The following SETD3 variants were observed in gnomAD, a reference collection of about 807,000 sequenced individuals.
SETD3 encodes SET domain containing 3, actin N3(tau)-histidine methyltransferase.
Under a neutral mutation model 63.0 loss-of-function variants are expected in SETD3, and 19 were observed. The observed-to-expected ratio is 0.30, with a 90% CI of 0.21 to 0.44. The LOEUF is 0.44. Among genes scored for constraint, SETD3 ranks in the 20% least tolerant of loss-of-function variants. The pLI is 1.00. For missense variants in SETD3, 587 were observed against 728.5 expected (o/e 0.81, Z 2.24); for synonymous variants, 286 against 264.1 (o/e 1.08, Z -0.80).
Position 99,465,722 on chromosome 14 carries a change from C to A in SETD3, c.84G>T (p.Leu28=). ...ACTTACTCTGCAGCAGCTCACTGGT[C>A]AGGTTCAAGATTTCCTTTGGTGACA... is the stretch of plus-strand genomic sequence containing the variant. The part of the protein sequence containing the change: ...ATVSPKEILN[L]TSELLQKCSS... Residue 28 remains leucine, a synonymous_variant, in exon 2 of 13, where the codon CTG becomes CTT. Transcript: ENST00000331768. 1 of 1,613,918 alleles carries A rather than the reference C, an allele frequency of 6.2e-7. No individual in the cohort carries two copies. The highest frequency in any genetic ancestry group is 1.1e-5 in the South Asian group (1 of 91,006).
chr14:99,483,998 A>T (rs1205521440), upstream of SETD3, among the ~76,000 whole-genome samples: 1 of 152,254 alleles, frequency 6.6e-6, no homozygotes, highest in Non-Finnish European at 1.5e-5. Context: ...ATAGGCCAGA[A>T]CTGGCCAGAT....
intron 6 of SETD3, among the ~76,000 whole-genome samples, chr14:99,426,965 G>A (rs1399915710): frequency 6.6e-6 from 1 of 152,142 alleles, no homozygotes; most frequent in African/African-American, 2.4e-5. Flanking sequence ...CCCACATGCT[G>A]CAATCAGTAA....
At chr14:99,430,073 G>A (rs1893089663) in intron 6 of SETD3, among the ~76,000 whole-genome samples, 1 of 152,210 alleles carries the variant, frequency 6.6e-6, no homozygotes, top group Non-Finnish European at 1.5e-5. Flanking sequence ...AGAGAGGGAA[G>A]CCCAGGAAAC....
Position 99,407,804 on chromosome 14 carries a change from C to A in SETD3, c.850-1214G>T, listed in dbSNP as rs79327493. Among the ~76,000 whole-genome samples, 1,421 of 152,256 alleles carry A rather than the reference C, an allele frequency of 9.3e-3. 20 individuals carry two copies. The highest frequency in any genetic ancestry group is 0.032 in the African/African-American group (1,335 of 41,542). On this transcript the variant is annotated intron_variant, in intron 8 of 12. Coordinates refer to ENST00000331768, the MANE Select transcript of SETD3 (RefSeq NM_032233.3). ...CACGTTATCTGTGCACCTGCCTCCC[C>A]GTCGGTCACACTTGGAAGCTGGAGC...
At chr14:99,481,804 A>G (rs559586613), upstream of SETD3, among the ~76,000 whole-genome samples, 68 of 152,370 alleles carry the variant, frequency 4.5e-4, no homozygotes, top group African/African-American at 1.6e-3. Context: ...AACCGCGCAC[A>G]GTCTCACAGC....
At chr14:99,410,776 C>T (rs1480519024) in intron 8 of SETD3, among the ~76,000 whole-genome samples, 1 of 152,196 alleles carries the variant, frequency 6.6e-6, no homozygotes, top group African/African-American at 2.4e-5. Context: ...CTTGCTGTCA[C>T]TGGTTTGGAA....
intron 1 of SETD3, among the ~76,000 whole-genome samples, chr14:99,467,146 T>A (rs1324795383): frequency 1.3e-5 from 2 of 152,228 alleles, no homozygotes; most frequent in Middle Eastern, 6.3e-3. Flanking sequence ...TATCTTCTCT[T>A]ATGTATCTAA....
intron 6 of SETD3, among the ~76,000 whole-genome samples, chr14:99,431,013 A>G (rs538612598): frequency 6.6e-6 from 1 of 152,350 alleles, no homozygotes; most frequent in East Asian, 1.9e-4. Flanking sequence ...ATGTATTAAC[A>G]AATGTAAACC....
intron 1 of SETD3, among the ~76,000 whole-genome samples, chr14:99,471,888 T>C (rs941552): frequency 0.42 from 63,601 of 151,898 alleles, 13,816 homozygotes; most frequent in East Asian, 0.56. Flanking sequence ...CATCCGCCCA[T>C]GACCTCCCTG....
At chr14:99,399,951 A>G in intron 12 of SETD3, 148 bp downstream of exon 12, 1 of 601,944 alleles carries the variant, frequency 1.7e-6, no homozygotes, top group Non-Finnish European at 2.8e-6. Context: ...CATGTTGGCC[A>G]GGCTGGTCTT....
chr14:99,406,429 T>G (rs1891684721), intron 9 of SETD3, 87 bp downstream of exon 9: 1 of 1,247,674 alleles, frequency 8.0e-7, no homozygotes, highest in African/African-American at 1.5e-5. Flanking sequence ...TTCCCCTAAG[T>G]TAAGTTCCTT....
Position 99,398,994 on chromosome 14 carries a change from G to A in SETD3, c.1470C>T (p.Arg490=), listed in dbSNP as rs147376910. ...GCGGAGCCTTTTCCTCCATCTGTTGGCGATAGTATTCCCGGTTGACAGCTG... is the reference window on the plus strand; with the variant it reads ...GCGGAGCCTTTTCCTCCATCTGTTGACGATAGTATTCCCGGTTGACAGCTG... The part of the protein sequence containing the change: ...KSAAVNREYY[R]QQMEEKAPLP... The change falls in exon 13 of 13, where the codon CGC becomes CGT. Residue 490 remains arginine, a synonymous_variant. Coordinates refer to ENST00000331768, the MANE Select transcript of SETD3 (RefSeq NM_032233.3). 9.3e-6 allele frequency: 15 copies of A among 1,614,034 alleles called. No homozygotes were observed. The African/African-American group carries it at 2.0e-4, about 22-fold the overall frequency.
At chr14:99,423,514 AT>A (rs928879269) in intron 6 of SETD3, among the ~76,000 whole-genome samples, 3 of 129,614 alleles carry the variant, frequency 2.3e-5, no homozygotes, top group African/African-American at 5.8e-5. Flanking sequence ...TCTTCAGTTG[AT>A]TTTTTTTAAT....
At chr14:99,440,208 C>G (rs1245745792) in intron 6 of SETD3, among the ~76,000 whole-genome samples, 1 of 152,152 alleles carries the variant, frequency 6.6e-6, no homozygotes, top group Non-Finnish European at 1.5e-5. Flanking sequence ...AAAATAAACA[C>G]AGTATCCATG....
chr14:99,465,121 G>A (rs1226402644), intron 2 of SETD3, among the ~76,000 whole-genome samples: 1 of 152,198 alleles, frequency 6.6e-6, no homozygotes, highest in Non-Finnish European at 1.5e-5. Context: ...GGGTGAGAGA[G>A]CGGGACCCTG....
chr14:99,481,040 C>A (rs1020832449), upstream of SETD3: 23 of 168,622 alleles, frequency 1.4e-4, no homozygotes, highest in Non-Finnish European at 2.4e-4. Flanking sequence ...CTCCCGGGGG[C>A]AAGAGCGGCC....
chr14:99,446,729 A>G (rs1428703056), intron 6 of SETD3, among the ~76,000 whole-genome samples: 1 of 152,156 alleles, frequency 6.6e-6, no homozygotes, highest in East Asian at 1.9e-4. Flanking sequence ...GAGGAAGAGG[A>G]GGAAGGCCAT....
At chr14:99,472,280 T>C (rs147335828) in intron 1 of SETD3, among the ~76,000 whole-genome samples, 75 of 152,354 alleles carry the variant, frequency 4.9e-4, no homozygotes, top group African/African-American at 1.8e-3. Flanking sequence ...TCAAGAAGGA[T>C]GACTAAATTT....
chr14:99,482,445 G>A (rs1896366726), upstream of SETD3, among the ~76,000 whole-genome samples: 1 of 152,136 alleles, frequency 6.6e-6, no homozygotes, highest in Non-Finnish European at 1.5e-5. Context: ...AAGAATGGAT[G>A]GATGATGGTA....
Sources: gnomAD v4.1 joint callset for allele counts (sites outside exome capture counted in the v4.1 genomes callset) on GRCh38, gnomAD v4.1.1 for gene constraint, MANE v1.5 for transcripts, NCBI Gene and HGNC (gene_info 2026-07-23, HGNC 2026-07-21) for gene names.